RASSF9: variants seen among roughly 807,000 people sequenced by gnomAD.
The protein encoded by RASSF9 is Ras association domain family member 9, also known as ras association domain-containing protein 9.
A neutral mutation model predicts 21.4 loss-of-function variants in RASSF9; 18 were observed. The ratio of observed to expected loss-of-function variants is 0.84; its 90% CI spans 0.58 to 1.25. The LOEUF (loss-of-function observed/expected upper bound fraction) is 1.25, where lower values mean the gene tolerates loss of function less well. Ranked by LOEUF, RASSF9 falls within the 50% of genes most tolerant of loss-of-function variation. The probability of loss-of-function intolerance (pLI) is 0.00; values close to 1 mark genes in which losing one functional copy is unlikely to be tolerated. For synonymous variants in RASSF9, 183 were observed against 179.1 expected (o/e 1.02, Z -0.18); for missense variants, 480 against 503.2 (o/e 0.95, Z 0.44).
At chr12:85,823,024 C>T (rs1487799654) in intron 1 of RASSF9, among the ~76,000 whole-genome samples, 1 of 152,006 alleles carries the variant, frequency 6.6e-6, no homozygotes, top group Non-Finnish European at 1.5e-5. Flanking sequence ...CACGGTGAAA[C>T]CCCGTCTCCA....
chr12:85,804,580 A>G lies in RASSF9; in HGVS notation c.*122T>C. The G allele has an allele frequency of 1.0e-6, 1 of 992,280 alleles. No individual in the cohort carries two copies. Among genetic ancestry groups the G allele is most frequent in the Non-Finnish European group, 1.4e-6 (1 of 730,350 alleles). The allele number at this position is 992,280 out of a possible 1,614,324, so 61.5% of individuals were successfully genotyped here. The stretch of plus-strand genomic sequence containing the variant: ...GAAACAACACATTTCTCGAGTTTTT[A>G]TTAACTATTGAATACTACAATATGA... On this transcript the variant is annotated 3_prime_UTR_variant, in exon 2 of 2. Coordinates refer to ENST00000361228, the MANE Select transcript of RASSF9 (RefSeq NM_005447.4).
intron 1 of RASSF9, among the ~76,000 whole-genome samples, chr12:85,812,315 ATATTT>A (rs1190544354): frequency 6.6e-6 from 1 of 151,448 alleles, no homozygotes; most frequent in African/African-American, 2.4e-5. Context: ...TTTCACAGAA[ATATTT>A]TGTTTTGTTG....
chr12:85,832,637 T>C (rs953531583), intron 1 of RASSF9, among the ~76,000 whole-genome samples: 4 of 151,960 alleles, frequency 2.6e-5, no homozygotes, highest in Non-Finnish European at 1.5e-5. Context: ...TTAGCTTTTA[T>C]GTGAGGAACA....
chr12:85,835,315 T>C (rs1002209224), intron 1 of RASSF9, among the ~76,000 whole-genome samples: 1 of 152,108 alleles, frequency 6.6e-6, no homozygotes, highest in African/African-American at 2.4e-5. Context: ...ATGTCTAAAT[T>C]TATTCTCAAG....
At chr12:85,808,479 GC>G (rs1271241944) in intron 1 of RASSF9, among the ~76,000 whole-genome samples, 1 of 152,020 alleles carries the variant, frequency 6.6e-6, no homozygotes, top group Non-Finnish European at 1.5e-5. Context: ...ATTGCAAGTA[GC>G]AAAAGAGTAG....
chr12:85,818,599 T>C (rs1193055193), intron 1 of RASSF9, among the ~76,000 whole-genome samples: 3 of 152,212 alleles, frequency 2.0e-5, no homozygotes, highest in African/African-American at 7.2e-5. Context: ...TATTCAATAA[T>C]TGATTTTCTT....
At chr12:85,827,433 T>C (rs1880357288) in intron 1 of RASSF9, among the ~76,000 whole-genome samples, 1 of 152,200 alleles carries the variant, frequency 6.6e-6, no homozygotes, top group Admixed American at 6.5e-5. Flanking sequence ...CTCCTCGTCC[T>C]AGTACAATTA....
At position 85,805,438 on chromosome 12, in the gene RASSF9, A is replaced by G. The variant is rs1879802211; in HGVS notation, c.572T>C (p.Ile191Thr). The change falls in exon 2 of 2, where the codon ATT becomes ACT. Residue 191 changes from isoleucine (I) to threonine (T), a missense_variant. Coordinates refer to ENST00000361228, the MANE Select transcript of RASSF9 (RefSeq NM_005447.4). ...DNMETLVHLI[I>T]SQDHTIHQQV... ...CTGATGAATAGTATGGTCCTGGGAA[A>G]TGATCAGATGAACTAATGTCTCCAT... 1 of 1,613,840 alleles carries G rather than the reference A, an allele frequency of 6.2e-7. No homozygotes were observed. The highest frequency in any genetic ancestry group is 8.5e-7 in the Non-Finnish European group (1 of 1,179,894).
chr12:85,823,877 T>C (rs1198603455), intron 1 of RASSF9, among the ~76,000 whole-genome samples: 1 of 152,120 alleles, frequency 6.6e-6, no homozygotes. Context: ...TTATGGAAAA[T>C]AATAAATTGT....
intron 1 of RASSF9, among the ~76,000 whole-genome samples, chr12:85,824,328 C>T (rs957209139): frequency 1.3e-5 from 2 of 152,156 alleles, no homozygotes; most frequent in African/African-American, 4.8e-5. Context: ...TCCTTTGCCT[C>T]TCTCCTCTTA....
At position 85,805,031 on chromosome 12, in the gene RASSF9, T is replaced by C. The variant is rs1211834604; in HGVS notation, c.979A>G (p.Lys327Glu). 1 of 1,613,994 alleles carries C rather than the reference T, an allele frequency of 6.2e-7. No homozygotes were observed. Residue 327 changes from lysine (K) to glutamate (E), a missense_variant, in exon 2 of 2, where the codon AAA (lysine) becomes GAA (glutamate). Lys to Glu is a moderately conservative substitution (Grantham distance 56). Transcript: ENST00000361228. The stretch of plus-strand genomic sequence containing the variant: ...TGAGAGTGAATTTTCAAACCAGCTT[T>C]CATGCTTTTCTCCAAATCACACTTA... ...SVKCDLEKSM[K>E]AGLKIHSHLS... is the part of the protein sequence containing the mutation.
At chr12:85,834,283 G>T (rs61930080) in intron 1 of RASSF9, among the ~76,000 whole-genome samples, 10,602 of 151,968 alleles carry the variant, frequency 0.07, 532 homozygotes, top group Middle Eastern at 0.18. Context: ...CAAAACACTT[G>T]CGTTTATAAC....
chr12:85,833,663 C>G (rs1461562601), intron 1 of RASSF9, among the ~76,000 whole-genome samples: 1 of 151,706 alleles, frequency 6.6e-6, no homozygotes, highest in Non-Finnish European at 1.5e-5. Context: ...ATCTTTAATC[C>G]CCAATGTTCC....
chr12:85,804,932 G>A lies in RASSF9; in HGVS notation c.1078C>T (p.Leu360=). The A allele has an allele frequency of 6.2e-7, 1 of 1,613,864 alleles. No homozygotes were observed. Residue 360 remains leucine (L), a synonymous_variant, in exon 2 of 2, where the codon CTG becomes TTG. Coordinates refer to ENST00000361228, the MANE Select transcript of RASSF9 (RefSeq NM_005447.4). ...LQMKAKEYEL[L]AKEFNSLHIS... ...TGAAGTGAATTGAATTCCTTGGCCA[G>A]GAGTTCATATTCTTTTGCTTTCATC... is the stretch of plus-strand genomic sequence containing the variant.
chr12:85,832,215 T>C (rs947299086), intron 1 of RASSF9, among the ~76,000 whole-genome samples: 5 of 151,920 alleles, frequency 3.3e-5, no homozygotes, highest in Non-Finnish European at 5.9e-5. Context: ...TTATTTTTTA[T>C]CTTACAAATC....
Position 85,820,928 on chromosome 12 carries a change from G to A in RASSF9, c.48-14966C>T, listed in dbSNP as rs186064240. Among the ~76,000 whole-genome samples, 4 of 152,074 alleles carry A rather than the reference G, an allele frequency of 2.6e-5. No individual in the cohort carries two copies. In the East Asian group the frequency reaches 5.8e-4, roughly 22 times the overall value. On this transcript the variant is annotated intron_variant, in intron 1 of 1. Transcript: ENST00000361228. ...TGGGAGGCTGAGGTGGGCAGATCAC[G>A]AGGTCAAGAGATCCAGACCATCCTG...
Position 85,804,626 on chromosome 12 carries a change from A to C in RASSF9, c.*76T>G. 7.4e-7 allele frequency: 1 copy of C among 1,342,542 alleles called. No homozygotes were observed. The highest frequency in any genetic ancestry group is 1.0e-6 in the Non-Finnish European group (1 of 993,038). The allele number at this position is 1,342,542 out of a possible 1,614,324, so 83.2% of individuals were successfully genotyped here. A position where few individuals can be genotyped will look rare whatever the true frequency, so the allele number is the denominator to read the frequency against. ...TATGATTTACATTTTTTTGAGTGTT[A>C]TATTTAAAATGAGGTTTCCTATTAA... On this transcript the variant is annotated 3_prime_UTR_variant, in exon 2 of 2. Transcript: ENST00000361228.
intron 1 of RASSF9, among the ~76,000 whole-genome samples, chr12:85,807,084 G>A (rs756884755): frequency 1.4e-4 from 21 of 152,224 alleles, no homozygotes; most frequent in East Asian, 5.8e-4. Flanking sequence ...GAAGAAGGGC[G>A]GACTATTTTA....
In RASSF9 at chr12:85,805,180, C is replaced by A. The variant is rs369886202; in HGVS notation, c.830G>T (p.Arg277Leu). ...AGCAGAGAGCTTATCAATGAGTATT[C>A]GGTAATATTTCAGTCGTTCTTCCAG... ...EQLEERLKYY[R>L]ILIDKLSAEI... The change falls in exon 2 of 2, where the codon CGA becomes CTA. Residue 277 changes from arginine (R) to leucine (L), a missense_variant. Coordinates refer to ENST00000361228, the MANE Select transcript of RASSF9 (RefSeq NM_005447.4). 1.2e-6 allele frequency: 2 copies of A among 1,613,684 alleles called. No individual in the cohort carries two copies. Among genetic ancestry groups the A allele is most frequent in the Non-Finnish European group, 1.7e-6 (2 of 1,179,890 alleles).
Sources: allele counts gnomAD v4.1 joint callset (sites outside exome capture counted in the v4.1 genomes callset), GRCh38; gene constraint gnomAD v4.1.1; transcripts MANE v1.5; gene names NCBI Gene and HGNC (gene_info 2026-07-23, HGNC 2026-07-21).